SYK: variants seen among roughly 807,000 people sequenced by gnomAD.
SYK encodes spleen associated tyrosine kinase.
SYK carries 16 observed loss-of-function variants against 77.8 expected under a neutral mutation model. That is an observed-to-expected ratio of 0.21 (90% CI 0.14 to 0.31). SYK has a LOEUF of 0.31. Among genes scored for constraint, SYK ranks in the 10% least tolerant of loss-of-function variants. SYK has a pLI of 1.00. For missense variants in SYK, 529 were observed against 814.4 expected (o/e 0.65, Z 4.26); for synonymous variants, 312 against 308.7 (o/e 1.01, Z -0.11).
Position 90,897,299 on chromosome 9 carries a change from A to G in SYK, c.*1699A>G. 8.7e-6 allele frequency: 2 copies of G among 230,596 alleles called. No homozygotes were observed. Among genetic ancestry groups the G allele is most frequent in the Non-Finnish European group, 8.6e-6 (1 of 116,328 alleles). 14.3% of individuals were successfully genotyped at this position (230,596 alleles called of 1,614,324 possible). A position where few individuals can be genotyped will look rare whatever the true frequency, so the allele number is the denominator to read the frequency against. ...AGCCACGCACACTTTCTGAAATCAC[A>G]CTATCTGGTGGTTTAATCATATTTT... On this transcript the variant is annotated 3_prime_UTR_variant, in exon 14 of 14. Transcript: ENST00000375754.
chr9:90,877,226 G>A (rs1263268948), intron 9 of SYK, among the ~76,000 whole-genome samples: 1 of 151,982 alleles, frequency 6.6e-6, no homozygotes, highest in Non-Finnish European at 1.5e-5. Flanking sequence ...ATTTTTTTTA[G>A]AGATGGGGGT....
At chr9:90,884,738 C>CAT (rs751517198) in intron 11 of SYK, among the ~76,000 whole-genome samples, 1 of 16,164 alleles carries the variant, frequency 6.2e-5, no homozygotes. Context: ...TGTACATGTA[C>CAT]ATATACACAT....
At chr9:90,810,864 C>T (rs970014334) in intron 1 of SYK, among the ~76,000 whole-genome samples, 1 of 152,042 alleles carries the variant, frequency 6.6e-6, no homozygotes, top group Non-Finnish European at 1.5e-5. Flanking sequence ...AGAGCCCAGA[C>T]CCAGATAATA....
chr9:90,829,373 C>T (rs1441032070), intron 1 of SYK, among the ~76,000 whole-genome samples: 1 of 152,026 alleles, frequency 6.6e-6, no homozygotes, highest in Non-Finnish European at 1.5e-5. Flanking sequence ...TGAGGTGGGC[C>T]CAGAACCCTG....
intron 3 of SYK, 45 bp downstream of exon 3, chr9:90,845,639 G>A: frequency 1.3e-6 from 2 of 1,595,558 alleles, no homozygotes; most frequent in Non-Finnish European, 1.7e-6. Context: ...CCAGGCCTGT[G>A]TGGACAATTG....
intron 3 of SYK, among the ~76,000 whole-genome samples, chr9:90,851,186 C>G (rs1826806333): frequency 6.6e-6 from 1 of 152,188 alleles, no homozygotes; most frequent in Non-Finnish European, 1.5e-5. Flanking sequence ...CCAAATCCAT[C>G]TCCAGATGGA....
chr9:90,884,448 T>C lies in SYK; in HGVS notation c.1582-3301T>C, dbSNP rs1053057009. ...ATACACATATGTGTGTACATATACA[T>C]ACACATACACATATGTGTGTACATA... On this transcript the variant is annotated intron_variant, in intron 11 of 13. Transcript: ENST00000375754. Among the ~76,000 whole-genome samples, 6 of 87,158 alleles carry C rather than the reference T, an allele frequency of 6.9e-5. 2 individuals are homozygous for C. Among genetic ancestry groups the C allele is most frequent in the Non-Finnish European group, 1.5e-4 (6 of 40,996 alleles). The allele number at this position is 87,158 out of a possible 152,430, so 57.2% of individuals were successfully genotyped here. A position where few individuals can be genotyped will look rare whatever the true frequency, so the allele number is the denominator to read the frequency against.
At chr9:90,825,127 A>C (rs2118448132) in intron 1 of SYK, among the ~76,000 whole-genome samples, 1 of 152,172 alleles carries the variant, frequency 6.6e-6, no homozygotes, top group African/African-American at 2.4e-5. Flanking sequence ...GACAAAAAAA[A>C]AAAAACACAA....
chr9:90,807,781 G>A (rs574491510), intron 1 of SYK, among the ~76,000 whole-genome samples: 1 of 152,312 alleles, frequency 6.6e-6, no homozygotes, highest in South Asian at 2.1e-4. Flanking sequence ...GATACAGCGA[G>A]CAACAGAAAA....
At chr9:90,808,909 A>G (rs1320636811) in intron 1 of SYK, among the ~76,000 whole-genome samples, 2 of 152,140 alleles carry the variant, frequency 1.3e-5, no homozygotes, top group Non-Finnish European at 2.9e-5. Context: ...GAGAGCATTC[A>G]TTGCCAAGCT....
intron 3 of SYK, among the ~76,000 whole-genome samples, chr9:90,858,695 T>A (rs185647521): frequency 3.3e-5 from 5 of 152,372 alleles, no homozygotes; most frequent in Non-Finnish European, 5.9e-5. Context: ...TGGTCCAGGA[T>A]CTGCCTGCAG....
At position 90,864,591 on chromosome 9, in the gene SYK, A is replaced by T; in HGVS notation, c.720A>T (p.Leu240=). The T allele has an allele frequency of 6.2e-7, 1 of 1,613,732 alleles. No individual in the cohort carries two copies. Among genetic ancestry groups the T allele is most frequent in the South Asian group, 1.1e-5 (1 of 91,042 alleles). ...TTTCTTACTTTTTTCTCTTTCAGCT[A>T]GTCGAGCATTATTCTTATAAAGCAG... ...EGKKFDTLWQ[L]VEHYSYKADG... The change falls in exon 5 of 14, where the codon CTA becomes CTT. Residue 240 remains leucine (L), a splice_region_variant and synonymous_variant. Coordinates refer to ENST00000375754, the MANE Select transcript of SYK (RefSeq NM_003177.7).
At chr9:90,823,047 C>T (rs920018370) in intron 1 of SYK, among the ~76,000 whole-genome samples, 3 of 152,122 alleles carry the variant, frequency 2.0e-5, no homozygotes, top group Non-Finnish European at 4.4e-5. Context: ...AAACACTTTG[C>T]AAGAGCCTTG....
Position 90,895,437 on chromosome 9 carries a change from C to T in SYK, c.1836-91C>T. 1 of 1,356,516 alleles carries T rather than the reference C, an allele frequency of 7.4e-7. No homozygotes were observed. The highest frequency in any genetic ancestry group is 1.8e-4 in the Middle Eastern group (1 of 5,454). 84.0% of individuals were successfully genotyped at this position (1,356,516 alleles called of 1,614,324 possible). A position where few individuals can be genotyped will look rare whatever the true frequency, so the allele number is the denominator to read the frequency against. On this transcript the variant is annotated intron_variant, in intron 13 of 13. Coordinates refer to ENST00000375754, the MANE Select transcript of SYK (RefSeq NM_003177.7). This position sits in a 1 kb window ranked among gnomAD's most constrained non-coding sequence, Gnocchi z 4.4. Reference sequence around the variant, plus strand: ...TAGAGTTAGCCACCAGGGAGCAGCACCACTGGTACTCAGCCTGCAGAGGCC... The same window carrying T: ...TAGAGTTAGCCACCAGGGAGCAGCATCACTGGTACTCAGCCTGCAGAGGCC...
intron 2 of SYK, among the ~76,000 whole-genome samples, chr9:90,844,566 T>C (rs747578282): frequency 1.1e-4 from 17 of 152,244 alleles, no homozygotes; most frequent in Non-Finnish European, 2.2e-4. Flanking sequence ...GAACCACTGT[T>C]ACCCAGTGCA....
At chr9:90,804,186 G>A (rs941507027) in intron 1 of SYK, among the ~76,000 whole-genome samples, 1 of 152,022 alleles carries the variant, frequency 6.6e-6, no homozygotes, top group African/African-American at 2.4e-5. Flanking sequence ...CTCTCTTTAG[G>A]GAGTCTTAAA....
intron 3 of SYK, among the ~76,000 whole-genome samples, chr9:90,856,985 T>A (rs1827060986): frequency 6.6e-6 from 1 of 152,268 alleles, no homozygotes; most frequent in Non-Finnish European, 1.5e-5. Flanking sequence ...CCTGAGATTC[T>A]GTCCCTGTCC....
intron 11 of SYK, among the ~76,000 whole-genome samples, chr9:90,886,127 TC>T (rs1564124137): frequency 6.6e-6 from 1 of 152,022 alleles, no homozygotes. Context: ...ATACAAATAA[TC>T]CTGTTAAATA....
intron 6 of SYK, among the ~76,000 whole-genome samples, chr9:90,866,826 G>T (rs1337941624): frequency 1.3e-5 from 2 of 152,182 alleles, no homozygotes; most frequent in Non-Finnish European, 2.9e-5. Context: ...TCGGTGGTTT[G>T]TCTTGAGCTT....
Sources: allele counts gnomAD v4.1 joint callset (sites outside exome capture counted in the v4.1 genomes callset), GRCh38; gene constraint gnomAD v4.1.1; non-coding constraint Gnocchi (gnomAD v3.1); transcripts MANE v1.5; gene names NCBI Gene and HGNC (gene_info 2026-07-23, HGNC 2026-07-21).